PLXDC2: variants seen among roughly 807,000 people sequenced by gnomAD.
PLXDC2 encodes the protein plexin domain containing 2, also known as plexin domain-containing protein 2.
PLXDC2 carries 40 observed loss-of-function variants against 68.9 expected under a neutral mutation model. That is an observed-to-expected ratio of 0.58 (90% confidence interval 0.45 to 0.76). The LOEUF (loss-of-function observed/expected upper bound fraction) is 0.76, where lower values mean the gene tolerates loss of function less well. Ranked by LOEUF, PLXDC2 falls within the 30% of genes least tolerant of loss-of-function variation. The pLI is 0.00. For missense variants in PLXDC2, 644 were observed against 661.9 expected, an observed-to-expected ratio of 0.97 and a Z score of 0.30; for synonymous variants, 243 against 234.2, an observed-to-expected ratio of 1.04 and a Z score of -0.34.
chr10:19,869,202 G>C (rs536927386), intron 1 of PLXDC2, among the ~76,000 whole-genome samples: 31 of 152,174 alleles, frequency 2.0e-4, no homozygotes, highest in African/African-American at 7.2e-4. Flanking sequence ...TTTGAGACCA[G>C]CTTGGGCCAC....
chr10:20,075,994 A>C (rs1836439063), intron 4 of PLXDC2, among the ~76,000 whole-genome samples: 1 of 152,214 alleles, frequency 6.6e-6, no homozygotes, highest in Admixed American at 6.5e-5. Flanking sequence ...ACTGGCAATG[A>C]TATTTTTGCT....
chr10:19,836,186 C>CA (rs1367631979), intron 1 of PLXDC2, among the ~76,000 whole-genome samples: 6 of 150,906 alleles, frequency 4.0e-5, no homozygotes, highest in African/African-American at 7.3e-5. Flanking sequence ...GAAAAGAAAA[C>CA]AAAAAAAAGA....
intron 1 of PLXDC2, among the ~76,000 whole-genome samples, chr10:19,950,806 T>C (rs1429985486): frequency 1.3e-5 from 2 of 152,114 alleles, no homozygotes; most frequent in Non-Finnish European, 2.9e-5. Flanking sequence ...AACAGACACA[T>C]AGACCTATAC....
intron 2 of PLXDC2, among the ~76,000 whole-genome samples, chr10:20,005,063 T>C (rs1161438102): frequency 6.6e-6 from 1 of 152,210 alleles, no homozygotes; most frequent in African/African-American, 2.4e-5. Flanking sequence ...TAGGTTTTAG[T>C]ATTTTCCTAA....
chr10:19,909,613 G>T (rs749910152), intron 1 of PLXDC2, among the ~76,000 whole-genome samples: 1 of 152,104 alleles, frequency 6.6e-6, no homozygotes, highest in Non-Finnish European at 1.5e-5. Context: ...TTTATGTATT[G>T]AATGATTCAT....
chr10:20,009,342 T>C (rs1835073242), intron 2 of PLXDC2, among the ~76,000 whole-genome samples: 1 of 152,242 alleles, frequency 6.6e-6, no homozygotes, highest in Non-Finnish European at 1.5e-5. Flanking sequence ...CCTTTTACTA[T>C]ATTTATTACG....
intron 9 of PLXDC2, among the ~76,000 whole-genome samples, chr10:20,182,320 A>G (rs555267210): frequency 2.8e-4 from 43 of 151,602 alleles, no homozygotes; most frequent in African/African-American, 9.2e-4. Flanking sequence ...ATTCTGCCCA[A>G]TCTACACCTA....
At chr10:20,108,228 A>C (rs1324381644) in intron 4 of PLXDC2, among the ~76,000 whole-genome samples, 1 of 152,100 alleles carries the variant, frequency 6.6e-6, no homozygotes, top group Non-Finnish European at 1.5e-5. Context: ...ATGTTTCCCG[A>C]GTTGGGTTCT....
At chr10:20,063,753 G>T (rs1836146838) in intron 3 of PLXDC2, among the ~76,000 whole-genome samples, 1 of 152,086 alleles carries the variant, frequency 6.6e-6, no homozygotes, top group Non-Finnish European at 1.5e-5. Context: ...TTGTAATGGG[G>T]TATGTTTTGG....
At chr10:20,223,972 ATTTTTT>A (rs10561584) in intron 12 of PLXDC2, among the ~76,000 whole-genome samples, 54 of 133,446 alleles carry the variant, frequency 4.0e-4, no homozygotes, top group South Asian at 7.3e-4. Flanking sequence ...CCTAGAATGT[ATTTTTT>A]TTTTTTTTTT....
intron 1 of PLXDC2, among the ~76,000 whole-genome samples, chr10:19,836,578 C>T (rs1836797920): frequency 6.6e-6 from 1 of 152,162 alleles, no homozygotes; most frequent in African/African-American, 2.4e-5. Context: ...AAGAGAATCT[C>T]ATCTTAAGAA....
chr10:19,950,250 A>G lies in PLXDC2; in HGVS notation c.113-51525A>G, dbSNP rs115274142. 8.2e-3 allele frequency among the ~76,000 whole-genome samples: 1,243 copies of G among 152,314 alleles called. 23 individuals are homozygous for G. The highest frequency in any genetic ancestry group is 0.028 in the African/African-American group (1,177 of 41,556). Reference sequence around the variant, plus strand: ...TTTTCTTCACTGACAATATGATTCTATTCCTAGAAAACCCTAAAGACTCTA... The same window carrying G: ...TTTTCTTCACTGACAATATGATTCTGTTCCTAGAAAACCCTAAAGACTCTA... On this transcript the variant is annotated intron_variant, in intron 1 of 13. Transcript: ENST00000377252.
rs1564342862 is a variant in PLXDC2, at chr10:20,176,994, T to TC, written c.884-4dup. The TC allele has an allele frequency of 6.3e-7, 1 of 1,581,628 alleles. No homozygotes were observed. Among genetic ancestry groups the TC allele is most frequent in the African/African-American group, 1.4e-5 (1 of 73,370 alleles). On this transcript the variant is annotated splice_polypyrimidine_tract_variant and splice_region_variant and intron_variant, in intron 7 of 13. Coordinates refer to ENST00000377252, the MANE Select transcript of PLXDC2 (RefSeq NM_032812.9). ...AAAATTGATTTTTTTTCCTTTTTTT[T>TC]CTAGATGTTCGAAGAAGAACAATTT... is the stretch of plus-strand genomic sequence containing the variant.
intron 1 of PLXDC2, among the ~76,000 whole-genome samples, chr10:19,987,831 GT>G (rs1834673436): frequency 6.6e-6 from 1 of 152,112 alleles, no homozygotes; most frequent in Admixed American, 6.5e-5. Flanking sequence ...ACCTCCCAAA[GT>G]GCTGGGATTA....
chr10:19,832,033 G>A (rs1320565511), intron 1 of PLXDC2, among the ~76,000 whole-genome samples: 4 of 152,066 alleles, frequency 2.6e-5, no homozygotes, highest in African/African-American at 9.7e-5. Context: ...AGAAATAAGA[G>A]GCAAAAACCC....
intron 9 of PLXDC2, among the ~76,000 whole-genome samples, chr10:20,197,651 C>A (rs116039298): frequency 1.3e-5 from 2 of 151,866 alleles, no homozygotes; most frequent in Non-Finnish European, 2.9e-5. Flanking sequence ...CCTCCGCACC[C>A]GGCCTTTATT....
intron 1 of PLXDC2, among the ~76,000 whole-genome samples, chr10:19,922,216 A>T (rs1833472204): frequency 6.6e-6 from 1 of 152,210 alleles, no homozygotes. Context: ...TGTCCACAGA[A>T]ATGCTCTACA....
intron 2 of PLXDC2, among the ~76,000 whole-genome samples, chr10:20,041,294 C>T (rs1835677566): frequency 6.6e-6 from 1 of 151,940 alleles, no homozygotes; most frequent in Non-Finnish European, 1.5e-5. Context: ...TAAATTACAA[C>T]TTGACTGAAC....
chr10:19,825,192 G>T (rs539337389), intron 1 of PLXDC2, among the ~76,000 whole-genome samples: 1 of 152,130 alleles, frequency 6.6e-6, no homozygotes, highest in African/African-American at 2.4e-5. Context: ...TTATTACTCA[G>T]TTCCTCAATT....
Sources: allele counts gnomAD v4.1 joint callset (sites outside exome capture counted in the v4.1 genomes callset), GRCh38; gene constraint gnomAD v4.1.1; transcripts MANE v1.5; gene names NCBI Gene and HGNC (gene_info 2026-07-23, HGNC 2026-07-21).